OSBPL6: variants seen among roughly 807,000 people sequenced by gnomAD.
OSBPL6 encodes oxysterol binding protein like 6.
A neutral mutation model predicts 125.8 loss-of-function variants in OSBPL6; 49 were observed. The observed-to-expected ratio is 0.39, with a 90% CI of 0.31 to 0.49. The LOEUF is 0.49. Among genes scored for constraint, OSBPL6 ranks in the 20% least tolerant of loss-of-function variants. The pLI, the probability that OSBPL6 is intolerant of heterozygous loss-of-function variation, is 0.88. For missense variants in OSBPL6, 986 were observed against 1,135.4 expected, an observed-to-expected ratio of 0.87 and a Z score of 1.89; for synonymous variants, 394 against 391.8, an observed-to-expected ratio of 1.01 and a Z score of -0.07.
chr2:178,219,022 T>C (rs986081106), intron 1 of OSBPL6, among the ~76,000 whole-genome samples: 3 of 152,178 alleles, frequency 2.0e-5, no homozygotes, highest in African/African-American at 7.2e-5. Context: ...TCTTCTGTCT[T>C]TGACAGTTTT....
intron 3 of OSBPL6, among the ~76,000 whole-genome samples, chr2:178,313,532 G>A (rs912149549): frequency 3.3e-5 from 5 of 151,868 alleles, no homozygotes; most frequent in African/African-American, 4.8e-5. Flanking sequence ...GCCAGCCCTC[G>A]TAATGACTCA....
chr2:178,368,929 T>G (rs1365606410), intron 13 of OSBPL6, among the ~76,000 whole-genome samples: 1 of 152,036 alleles, frequency 6.6e-6, no homozygotes, highest in Non-Finnish European at 1.5e-5. Flanking sequence ...CCTGAGTAGC[T>G]GGGACTATGG....
chr2:178,350,630 C>A (rs1425473874), intron 12 of OSBPL6, among the ~76,000 whole-genome samples: 1 of 152,200 alleles, frequency 6.6e-6, no homozygotes, highest in Non-Finnish European at 1.5e-5. Flanking sequence ...GTAAGGCCAG[C>A]TCTCTCTTAC....
chr2:178,242,067 C>T (rs767319618), intron 1 of OSBPL6, among the ~76,000 whole-genome samples: 15 of 152,138 alleles, frequency 9.9e-5, no homozygotes, highest in South Asian at 2.1e-4. Flanking sequence ...CACACAATGA[C>T]GAAATCACCT....
rs1463657095 is a variant in OSBPL6 at position 178,397,480 on chromosome 2, A to G, written c.*1921A>G. On this transcript the variant is annotated 3_prime_UTR_variant, in exon 25 of 25. Transcript: ENST00000190611. ...TGATGTTCTTTTTCTGCATCCTGAG[A>G]TACATGTCGTTAATTTTAATAAGAA... 2 of 152,150 alleles carry G rather than the reference A, an allele frequency of 1.3e-5. No homozygotes were observed. The highest frequency in any genetic ancestry group is 1.3e-4 in the Admixed American group (2 of 15,280). The allele number at this position is 152,150 out of a possible 1,614,324, so 9.4% of individuals were successfully genotyped here. A position where few individuals can be genotyped will look rare whatever the true frequency, so the allele number is the denominator to read the frequency against.
chr2:178,249,740 AAT>A (rs758102616), intron 1 of OSBPL6, among the ~76,000 whole-genome samples: 2 of 152,116 alleles, frequency 1.3e-5, no homozygotes, highest in East Asian at 1.9e-4. Flanking sequence ...GGTTGTTATC[AAT>A]ATGCTGTTGG....
At chr2:178,223,834 T>C (rs1380430290) in intron 1 of OSBPL6, among the ~76,000 whole-genome samples, 2 of 152,252 alleles carry the variant, frequency 1.3e-5, no homozygotes. Flanking sequence ...TTTCAAATGT[T>C]ATTGAACTCA....
chr2:178,379,792 G>A (rs1037449823), intron 15 of OSBPL6, among the ~76,000 whole-genome samples: 6 of 152,118 alleles, frequency 3.9e-5, no homozygotes, highest in Non-Finnish European at 5.9e-5. Context: ...CAGTTGCAGC[G>A]GGAAAATATG....
intron 1 of OSBPL6, among the ~76,000 whole-genome samples, chr2:178,265,480 C>T (rs333990): frequency 0.99 from 150,521 of 152,150 alleles, 74,472 homozygotes; most frequent in East Asian, 1. Context: ...TCCCAAAGTG[C>T]TGGGATTACA....
At chr2:178,382,913 G>A (rs2154114148) in intron 16 of OSBPL6, 111 bp from the exon 17 acceptor site, 1 of 1,481,910 alleles carries the variant, frequency 6.7e-7, no homozygotes, top group East Asian at 2.3e-5. Flanking sequence ...AAGATATAAT[G>A]AAGACTCATG....
rs113020126 is a variant in OSBPL6 at position 178,333,187 on chromosome 2, C to T, written c.657+146C>T. On this transcript the variant is annotated intron_variant, in intron 8 of 24. Transcript: ENST00000190611. ...CGCCTGACAGCCAGGAGTTCGAGAC[C>T]AGCCTGGGCAACATGGTGAAAACCC... The T allele has an allele frequency of 8.4e-3, 6,839 of 814,010 alleles. 308 individuals are homozygous for T. The African/African-American group carries it at 0.1, about 12-fold the overall frequency. The allele number at this position is 814,010 out of a possible 1,614,324, so 50.4% of individuals were successfully genotyped here.
chr2:178,221,500 ATGTT>A (rs2090339320), intron 1 of OSBPL6, among the ~76,000 whole-genome samples: 1 of 152,236 alleles, frequency 6.6e-6, no homozygotes, highest in African/African-American at 2.4e-5. Flanking sequence ...TTGGAAATGT[ATGTT>A]AAGTTCTAAG....
chr2:178,351,267 T>A (rs1056038893), intron 12 of OSBPL6, among the ~76,000 whole-genome samples: 8 of 151,778 alleles, frequency 5.3e-5, no homozygotes, highest in Admixed American at 5.2e-4. Context: ...CAAAAAGAAA[T>A]AAAAGGTATC....
chr2:178,314,991 A>G (rs1461314296), intron 3 of OSBPL6, among the ~76,000 whole-genome samples: 2 of 152,180 alleles, frequency 1.3e-5, no homozygotes, highest in Non-Finnish European at 2.9e-5. Context: ...TCCTTGAGCA[A>G]TAATAGTAAT....
At chr2:178,320,291 G>C in intron 3 of OSBPL6, 1 of 1,612,206 alleles carries the variant, frequency 6.2e-7, no homozygotes, top group Non-Finnish European at 8.5e-7. Flanking sequence ...ACACTAACCT[G>C]AGGAGCATAT....
At chr2:178,198,822 G>A (rs901433352) in intron 1 of OSBPL6, among the ~76,000 whole-genome samples, 1 of 152,082 alleles carries the variant, frequency 6.6e-6, no homozygotes, top group African/African-American at 2.4e-5. Flanking sequence ...ACCACATATT[G>A]CCAGCAATGT....
intron 2 of OSBPL6, among the ~76,000 whole-genome samples, chr2:178,286,395 T>C (rs1033484941): frequency 1.3e-5 from 2 of 152,258 alleles, no homozygotes; most frequent in Admixed American, 1.3e-4. Flanking sequence ...CTGCTCTCTG[T>C]ATATGAGGTC....
At chr2:178,243,566 A>G (rs2091374359) in intron 1 of OSBPL6, among the ~76,000 whole-genome samples, 1 of 151,728 alleles carries the variant, frequency 6.6e-6, no homozygotes, top group Non-Finnish European at 1.5e-5. Flanking sequence ...TTCATCTCCA[A>G]AATATATTCC....
chr2:178,386,810 T>A (rs564459649), intron 19 of OSBPL6, among the ~76,000 whole-genome samples: 3 of 151,842 alleles, frequency 2.0e-5, no homozygotes, highest in Non-Finnish European at 4.4e-5. Context: ...ATAAAGAGCA[T>A]ATGTTATAGA....
Sources: allele counts gnomAD v4.1 joint callset (sites outside exome capture counted in the v4.1 genomes callset), GRCh38; gene constraint gnomAD v4.1.1; transcripts MANE v1.5; gene names NCBI Gene and HGNC (gene_info 2026-07-23, HGNC 2026-07-21).